The following CFAP299 variants were observed in gnomAD, a reference collection of about 807,000 sequenced individuals.
CFAP299 encodes the protein cilia and flagella associated protein 299.
In CFAP299, 21 loss-of-function variants were observed where a neutral mutation model predicts 27.0. That is an observed-to-expected ratio of 0.78 (90% confidence interval 0.55 to 1.12). CFAP299 has a LOEUF of 1.12. Among genes scored for constraint, CFAP299 ranks in the 50% most tolerant of loss-of-function variants. CFAP299 has a pLI of 0.00. For synonymous variants in CFAP299, 104 were observed against 98.1 expected (o/e 1.06, Z -0.36); for missense variants, 310 against 276.6 (o/e 1.12, Z -0.86).
chr4:80,623,500 A>G (rs1738714166), intron 3 of CFAP299, among the ~76,000 whole-genome samples: 1 of 152,200 alleles, frequency 6.6e-6, no homozygotes, highest in South Asian at 2.1e-4. Context: ...GATTTTGACA[A>G]CTATCCATAC....
chr4:80,792,348 G>A (rs142889320), intron 3 of CFAP299, among the ~76,000 whole-genome samples: 78 of 152,092 alleles, frequency 5.1e-4, no homozygotes, highest in Non-Finnish European at 8.5e-4. Flanking sequence ...TCTGAGTTGC[G>A]TTAGGATTTA....
At chr4:80,911,229 T>C (rs112751291) in intron 4 of CFAP299, among the ~76,000 whole-genome samples, 1 of 151,370 alleles carries the variant, frequency 6.6e-6, no homozygotes, top group African/African-American at 2.4e-5. Flanking sequence ...TTTTTTTTTT[T>C]TCTTGGACCA....
At chr4:80,907,593 T>C (rs1316255761) in intron 4 of CFAP299, among the ~76,000 whole-genome samples, 1 of 152,132 alleles carries the variant, frequency 6.6e-6, no homozygotes, top group Non-Finnish European at 1.5e-5. Context: ...ATGCACATCC[T>C]TCTTCACATG....
intron 3 of CFAP299, among the ~76,000 whole-genome samples, chr4:80,606,313 G>T (rs1160572524): frequency 6.6e-6 from 1 of 152,134 alleles, no homozygotes; most frequent in Non-Finnish European, 1.5e-5. Flanking sequence ...AAGGCGGGTG[G>T]ATCACAAGGT....
intron 2 of CFAP299, among the ~76,000 whole-genome samples, chr4:80,443,195 G>A (rs776153621): frequency 3.9e-4 from 60 of 152,176 alleles, no homozygotes; most frequent in Admixed American, 1.6e-3. Flanking sequence ...ATGGGCCAGC[G>A]TCATCCTGAT....
At chr4:80,848,101 C>T (rs1731282360) in intron 3 of CFAP299, among the ~76,000 whole-genome samples, 1 of 151,828 alleles carries the variant, frequency 6.6e-6, no homozygotes, top group South Asian at 2.1e-4. Flanking sequence ...GTGCCAGCTA[C>T]TCGGGAGGCT....
At chr4:80,601,271 T>C (rs535963550) in intron 3 of CFAP299, among the ~76,000 whole-genome samples, 1 of 152,134 alleles carries the variant, frequency 6.6e-6, no homozygotes, top group South Asian at 2.1e-4. Context: ...AGTAGAAAAT[T>C]TGTGCTCCTA....
At chr4:80,577,626 C>T (rs1389291548) in intron 2 of CFAP299, among the ~76,000 whole-genome samples, 2 of 152,034 alleles carry the variant, frequency 1.3e-5, no homozygotes, top group South Asian at 2.1e-4. Context: ...TGGTCTCCAT[C>T]TATTGACCTT....
At chr4:80,674,909 G>T (rs1032132739) in intron 3 of CFAP299, among the ~76,000 whole-genome samples, 1 of 152,046 alleles carries the variant, frequency 6.6e-6, no homozygotes, top group East Asian at 1.9e-4. Flanking sequence ...GTTTATTCTA[G>T]TTAGCCATTC....
chr4:80,754,313 T>C (rs562984323), intron 3 of CFAP299, among the ~76,000 whole-genome samples: 12 of 152,278 alleles, frequency 7.9e-5, no homozygotes, highest in African/African-American at 2.9e-4. Context: ...TCCTTTGTAC[T>C]ATGTCTTAGA....
intron 5 of CFAP299, among the ~76,000 whole-genome samples, chr4:80,956,848 A>G (rs1175662364): frequency 6.6e-6 from 1 of 152,124 alleles, no homozygotes; most frequent in Non-Finnish European, 1.5e-5. Flanking sequence ...TGTAGAGGGT[A>G]GAAAACTTTT....
intron 2 of CFAP299, chr4:80,386,213 G>A: frequency 2.1e-6 from 2 of 966,864 alleles, no homozygotes; most frequent in Non-Finnish European, 1.5e-6. Context: ...AGCACAGCGA[G>A]CATGGCACAT....
intron 2 of CFAP299, among the ~76,000 whole-genome samples, chr4:80,522,150 T>C (rs1369897143): frequency 6.6e-6 from 1 of 152,014 alleles, no homozygotes; most frequent in Non-Finnish European, 1.5e-5. Context: ...GTTTTGGTTT[T>C]TATTTTATTT....
chr4:80,765,431 T>G (rs1194153892), intron 3 of CFAP299, among the ~76,000 whole-genome samples: 1 of 151,964 alleles, frequency 6.6e-6, no homozygotes, highest in Non-Finnish European at 1.5e-5. Flanking sequence ...ACAGAAACAA[T>G]GCTACTAAGG....
chr4:80,889,915 A>T (rs976397612), intron 4 of CFAP299, among the ~76,000 whole-genome samples: 1 of 152,176 alleles, frequency 6.6e-6, no homozygotes, highest in Non-Finnish European at 1.5e-5. Flanking sequence ...CATTTGATAA[A>T]TGTCAACACC....
chr4:80,696,947 C>T (rs1273932241), intron 3 of CFAP299, among the ~76,000 whole-genome samples: 2 of 151,980 alleles, frequency 1.3e-5, no homozygotes, highest in Non-Finnish European at 2.9e-5. Flanking sequence ...ATTCTCTTGT[C>T]AATGAAAAAG....
chr4:80,408,029 TAG>T (rs1368776305), intron 2 of CFAP299, among the ~76,000 whole-genome samples: 2 of 152,218 alleles, frequency 1.3e-5, no homozygotes, highest in Non-Finnish European at 2.9e-5. Context: ...TATACTACCA[TAG>T]AGTCTCACAT....
intron 2 of CFAP299, among the ~76,000 whole-genome samples, chr4:80,463,351 TCATCAA>T (rs1205894111): frequency 6.6e-6 from 1 of 152,056 alleles, no homozygotes; most frequent in Non-Finnish European, 1.5e-5. Context: ...AAAGAACATA[TCATCAA>T]AGGATCCTCT....
chr4:80,388,197 G>A, intron 2 of CFAP299: 1 of 695,208 alleles, frequency 1.4e-6, no homozygotes, highest in Non-Finnish European at 2.7e-6. Context: ...GGCTAGGTGA[G>A]GTGGCTGGGC....
Sources: gnomAD v4.1 joint callset for allele counts (sites outside exome capture counted in the v4.1 genomes callset) on GRCh38, gnomAD v4.1.1 for gene constraint, MANE v1.5 for transcripts, NCBI Gene and HGNC (gene_info 2026-07-23, HGNC 2026-07-21) for gene names.